Variants in SLC36A4 observed in about 807,000 individuals in gnomAD.
The protein encoded by SLC36A4 is neutral amino acid uniporter 4.
In SLC36A4, 49 loss-of-function variants were observed where a neutral mutation model predicts 50.5. The ratio of observed to expected loss-of-function variants is 0.97; its 90% CI spans 0.77 to 1.23. SLC36A4 has a LOEUF of 1.23. Ranked by LOEUF, SLC36A4 falls within the 50% of genes most tolerant of loss-of-function variation. The pLI, the probability that SLC36A4 is intolerant of heterozygous loss-of-function variation, is 0.00. For synonymous variants in SLC36A4, 207 were observed against 206.5 expected, an observed-to-expected ratio of 1.00 and a Z score of -0.02; for missense variants, 611 against 608.4, an observed-to-expected ratio of 1.00 and a Z score of -0.05.
intron 6 of SLC36A4, among the ~76,000 whole-genome samples, chr11:93,174,888 G>C (rs963118212): frequency 2.1e-5 from 3 of 139,802 alleles, no homozygotes; most frequent in Non-Finnish European, 4.6e-5. Flanking sequence ...TGTTCATCAA[G>C]GATATTGGTC....
chr11:93,148,412 T>G lies in SLC36A4; in HGVS notation c.*125A>C, dbSNP rs1176620835. The G allele has an allele frequency of 1.1e-6, 1 of 870,612 alleles. No homozygotes were observed. Among genetic ancestry groups the G allele is most frequent in the East Asian group, 2.5e-5 (1 of 40,036 alleles). 53.9% of individuals were successfully genotyped at this position (870,612 alleles called of 1,614,324 possible). The stretch of plus-strand genomic sequence containing the variant: ...AAGAGTTATGATTACTTCCAAAATA[T>G]TAATATCGTGCCAAAGAAAACAGAG... On this transcript the variant is annotated 3_prime_UTR_variant, in exon 11 of 11. Coordinates refer to ENST00000326402, the MANE Select transcript of SLC36A4 (RefSeq NM_152313.4).
intron 8 of SLC36A4, among the ~76,000 whole-genome samples, chr11:93,163,851 C>A (rs148512169): frequency 8.4e-4 from 128 of 151,998 alleles, no homozygotes; most frequent in African/African-American, 3.1e-3. Context: ...GAATTACAAT[C>A]CAAAATTCTG....
At position 93,151,258 on chromosome 11, in the gene SLC36A4, G is replaced by A. The variant is rs183075459; in HGVS notation, c.1208-2414C>T. Among the ~76,000 whole-genome samples, 792 of 152,052 alleles carry A rather than the reference G, an allele frequency of 5.2e-3. 7 individuals are homozygous for A. The highest frequency in any genetic ancestry group is 0.018 in the African/African-American group (751 of 41,526). On this transcript the variant is annotated intron_variant, in intron 10 of 10. Transcript: ENST00000326402. ...TAGTTTTATTCATTACAAATACTAT[G>A]TCATTTACAGACAGCTATTATGAAT...
Position 93,181,755 on chromosome 11 carries a change from T to G in SLC36A4, c.391A>C (p.Thr131Pro), listed in dbSNP as rs767128226. Residue 131 changes from threonine (T) to proline (P), a missense_variant, in exon 5 of 11, where the codon ACT becomes CCT. Coordinates refer to ENST00000326402, the MANE Select transcript of SLC36A4 (RefSeq NM_152313.4). ...FKKSTLGYSD[T>P]VSFAMEVSPW... is the part of the protein sequence containing the mutation. The stretch of plus-strand genomic sequence containing the variant: ...CTCACTTCCATAGCAAAGCTCACAG[T>G]GTCACTATAACCTAATGTTGACTTT... 1.0e-4 allele frequency: 160 copies of G among 1,555,464 alleles called. No individual in the cohort carries two copies. The highest frequency in any genetic ancestry group is 1.7e-4 in the Middle Eastern group (1 of 6,002).
intron 10 of SLC36A4, among the ~76,000 whole-genome samples, chr11:93,149,197 T>C (rs1432935126): frequency 1.3e-5 from 2 of 152,042 alleles, no homozygotes; most frequent in African/African-American, 4.8e-5. Flanking sequence ...GCACAAGACA[T>C]AGAGTGGTGG....
At chr11:93,170,856 A>G (rs567828809) in intron 6 of SLC36A4, among the ~76,000 whole-genome samples, 1 of 152,096 alleles carries the variant, frequency 6.6e-6, no homozygotes, top group Admixed American at 6.6e-5. Context: ...GCAGTTACAT[A>G]GCAGGTTTCT....
At chr11:93,161,489 T>C (rs1306392065) in intron 9 of SLC36A4, among the ~76,000 whole-genome samples, 1 of 152,230 alleles carries the variant, frequency 6.6e-6, no homozygotes, top group Non-Finnish European at 1.5e-5. Context: ...CCTTGTGCAA[T>C]GTGGAAACTA....
At chr11:93,188,196 C>T (rs1590986115) in intron 1 of SLC36A4, among the ~76,000 whole-genome samples, 1 of 152,136 alleles carries the variant, frequency 6.6e-6, no homozygotes, top group East Asian at 1.9e-4. Flanking sequence ...AGAGTAATTT[C>T]ATGAATGGTT....
At chr11:93,179,337 C>G (rs141920804) in intron 6 of SLC36A4, among the ~76,000 whole-genome samples, 1 of 152,266 alleles carries the variant, frequency 6.6e-6, no homozygotes, top group African/African-American at 2.4e-5. Context: ...ATATGGGAGT[C>G]CCTTCCTTCA....
chr11:93,151,720 T>C (rs1473959754), intron 10 of SLC36A4, among the ~76,000 whole-genome samples: 4 of 152,034 alleles, frequency 2.6e-5, no homozygotes, highest in African/African-American at 9.7e-5. Flanking sequence ...ACAAGGACTT[T>C]TAAAAAATTA....
chr11:93,193,095 T>C (rs1215407632), intron 1 of SLC36A4: 3 of 787,684 alleles, frequency 3.8e-6, no homozygotes, highest in African/African-American at 1.9e-5. Flanking sequence ...TTAAGCTCTA[T>C]GGGATTTTTA....
At chr11:93,186,792 C>T (rs1862001523) in intron 1 of SLC36A4, among the ~76,000 whole-genome samples, 1 of 152,140 alleles carries the variant, frequency 6.6e-6, no homozygotes, top group Non-Finnish European at 1.5e-5. Context: ...TCAATCTTCC[C>T]TTGGCTGGAA....
chr11:93,194,519 G>A (rs1862341970), intron 1 of SLC36A4, among the ~76,000 whole-genome samples: 1 of 152,056 alleles, frequency 6.6e-6, no homozygotes. Context: ...CATACCTTAC[G>A]AGAACCTGTA....
At chr11:93,164,902 A>G (rs2134653764) in intron 8 of SLC36A4, among the ~76,000 whole-genome samples, 1 of 152,340 alleles carries the variant, frequency 6.6e-6, no homozygotes, top group Non-Finnish European at 1.5e-5. Flanking sequence ...AAGAAAAAGG[A>G]AAATGAGAAA....
chr11:93,159,099 T>A (rs1165785769), intron 9 of SLC36A4, among the ~76,000 whole-genome samples: 7 of 152,018 alleles, frequency 4.6e-5, no homozygotes, highest in African/African-American at 1.7e-4. Context: ...CTACAACCAT[T>A]CAACATGAAA....
At chr11:93,196,792 G>C (rs928832786) in intron 1 of SLC36A4, among the ~76,000 whole-genome samples, 22 of 152,166 alleles carry the variant, frequency 1.4e-4, no homozygotes, top group African/African-American at 4.6e-4. Context: ...TTCACATTTG[G>C]GTTCTGCCAT....
chr11:93,194,043 GTATC>G lies in SLC36A4; in HGVS notation c.55+3731_55+3734del, dbSNP rs1565242863. Among the ~76,000 whole-genome samples the G allele has an allele frequency of 8.5e-5, 13 of 152,160 alleles. 1 individual carries two copies. In the South Asian group the frequency reaches 2.7e-3, roughly 32 times the overall value. On this transcript the variant is annotated intron_variant, in intron 1 of 10. Coordinates refer to ENST00000326402, the MANE Select transcript of SLC36A4 (RefSeq NM_152313.4). ...AGGTCTGAGTAAAACAGGGAAAAGT[GTATC>G]ATATGCTAAGTGGGAAAAGTTGAAT...
rs769619614 is a variant in SLC36A4, at chr11:93,165,946, G to C, written c.839C>G (p.Ala280Gly). The C allele has an allele frequency of 1.9e-6, 3 of 1,609,912 alleles. 1 individual carries two copies. The highest frequency in any genetic ancestry group is 2.5e-6 in the Non-Finnish European group (3 of 1,177,724). The change falls in exon 8 of 11, where the codon GCT becomes GGT. Residue 280 changes from alanine to glycine, a missense_variant. By Grantham distance (60) the Ala-to-Gly change is moderately conservative. Coordinates refer to ENST00000326402, the MANE Select transcript of SLC36A4 (RefSeq NM_152313.4). Reference protein sequence around the residue: ...WKKYPLFFGTAVFAFEGIGVV... With the variant: ...WKKYPLFFGTGVFAFEGIGVV... ...TCCTATGCCTTCAAAAGCAAATACA[G>C]CAGTACCAAAAAAGAGTGGGTATTT...
rs1054625272 is a variant in SLC36A4, at chr11:93,145,674, A to G, written c.*2863T>C. 2 of 152,078 alleles carry G rather than the reference A, an allele frequency of 1.3e-5. No individual in the cohort carries two copies. Among genetic ancestry groups the G allele is most frequent in the Admixed American group, 6.6e-5 (1 of 15,256 alleles). 9.4% of individuals were successfully genotyped at this position (152,078 alleles called of 1,614,324 possible). A position where few individuals can be genotyped will look rare whatever the true frequency, so the allele number is the denominator to read the frequency against. ...TCAGGCAACTGATTAACTTTCAGGGAATAGTTCTTCACTGTGGTGGCCAAC... is the reference window on the plus strand; with the variant it reads ...TCAGGCAACTGATTAACTTTCAGGGGATAGTTCTTCACTGTGGTGGCCAAC... On this transcript the variant is annotated 3_prime_UTR_variant, in exon 11 of 11. Coordinates refer to ENST00000326402, the MANE Select transcript of SLC36A4 (RefSeq NM_152313.4).
Sources: gnomAD v4.1 joint callset for allele counts (sites outside exome capture counted in the v4.1 genomes callset) on GRCh38, gnomAD v4.1.1 for gene constraint, MANE v1.5 for transcripts, NCBI Gene and HGNC (gene_info 2026-07-23, HGNC 2026-07-21) for gene names.